ADAMTS6: variants seen among roughly 807,000 people sequenced by gnomAD.
The protein encoded by ADAMTS6 is A disintegrin and metalloproteinase with thrombospondin motifs 6.
A neutral mutation model predicts 144.3 loss-of-function variants in ADAMTS6; 23 were observed. The ratio of observed to expected loss-of-function variants is 0.16; its 90% CI spans 0.11 to 0.23. The LOEUF (loss-of-function observed/expected upper bound fraction) is 0.23, where lower values mean the gene tolerates loss of function less well. Ranked by LOEUF, ADAMTS6 falls within the 10% of genes least tolerant of loss-of-function variation. ADAMTS6 has a pLI of 1.00. For missense variants in ADAMTS6, 999 were observed against 1,379.6 expected (o/e 0.72, Z 4.37); for synonymous variants, 444 against 457.5 (o/e 0.97, Z 0.38).
rs1346667205 is a variant in ADAMTS6, at chr5:65,300,501, C to A, written c.1224-370G>T. Among the ~76,000 whole-genome samples the A allele has an allele frequency of 2.0e-5, 3 of 152,238 alleles. No individual in the cohort carries two copies. The East Asian group carries it at 5.8e-4, about 29-fold the overall frequency. ...AGTTTGTCAGTGTTGGAATTGTTAG[C>A]AGAACCTGCCTTTTAACATGTTAGT... On this transcript the variant is annotated intron_variant, in intron 9 of 24. Transcript: ENST00000381055.
chr5:65,307,543 G>C (rs1041639994), intron 9 of ADAMTS6, among the ~76,000 whole-genome samples: 2 of 152,138 alleles, frequency 1.3e-5, no homozygotes, highest in Non-Finnish European at 2.9e-5. Flanking sequence ...GATGAACTTT[G>C]CCCTTTTTTC....
chr5:65,399,655 C>T (rs1212918998), intron 7 of ADAMTS6, among the ~76,000 whole-genome samples: 1 of 152,044 alleles, frequency 6.6e-6, no homozygotes, highest in African/African-American at 2.4e-5. Context: ...AATCCTAATT[C>T]CTTCCTCCTT....
At chr5:65,375,390 C>A (rs1751424953) in intron 7 of ADAMTS6, among the ~76,000 whole-genome samples, 1 of 151,384 alleles carries the variant, frequency 6.6e-6, no homozygotes, top group South Asian at 2.1e-4. Context: ...CCAGAATCTA[C>A]AATGAACTCA....
At chr5:65,345,098 TA>T (rs1035187852) in intron 7 of ADAMTS6, among the ~76,000 whole-genome samples, 5 of 151,804 alleles carry the variant, frequency 3.3e-5, no homozygotes, top group Non-Finnish European at 7.4e-5. Context: ...TCCCAGCATC[TA>T]AAAAAATTCC....
At chr5:65,411,298 T>C (rs911509900) in intron 7 of ADAMTS6, among the ~76,000 whole-genome samples, 3 of 152,230 alleles carry the variant, frequency 2.0e-5, no homozygotes, top group African/African-American at 4.8e-5. Flanking sequence ...CCTTTGGATA[T>C]GTACCTAGCA....
chr5:65,471,028 C>T lies in ADAMTS6; in HGVS notation c.212G>A (p.Arg71Gln). The T allele has an allele frequency of 6.2e-7, 1 of 1,612,218 alleles. No homozygotes were observed. Among genetic ancestry groups the T allele is most frequent in the Non-Finnish European group, 8.5e-7 (1 of 1,179,416 alleles). The change falls in exon 3 of 25, where the codon CGG becomes CAG. Residue 71 changes from arginine to glutamine, a missense_variant. By Grantham distance (43) the Arg-to-Gln change is conservative. Coordinates refer to ENST00000381055, the MANE Select transcript of ADAMTS6 (RefSeq NM_197941.4). ...VKNDKHSRRR[R>Q]SMDPIDPQQA... ...CTGTGGATCAATAGGGTCCATACTC[C>T]GTCTTCTCCTTGAGTGTTTATCATT...
At chr5:65,174,426 G>T (rs1753834304) in intron 22 of ADAMTS6, among the ~76,000 whole-genome samples, 1 of 152,198 alleles carries the variant, frequency 6.6e-6, no homozygotes, top group Admixed American at 6.5e-5. Context: ...TGCGGATCCT[G>T]AGAGCACTCC....
rs957105446 is a variant in ADAMTS6 at position 65,240,489 on chromosome 5, C to A, written c.1933+1615G>T. On this transcript the variant is annotated intron_variant, in intron 15 of 24. Transcript: ENST00000381055. ...TTATGGACTGAATGTTTGTGTCCCC[C>A]CAAAACCCGTATGTTGAAATCTTAA... is the stretch of plus-strand genomic sequence containing the variant. Among the ~76,000 whole-genome samples the A allele has an allele frequency of 2.6e-5, 4 of 152,114 alleles. No individual in the cohort carries two copies. In the East Asian group the frequency reaches 7.7e-4, roughly 29 times the overall value.
intron 7 of ADAMTS6, among the ~76,000 whole-genome samples, chr5:65,359,152 T>C (rs1749601720): frequency 6.6e-6 from 1 of 152,028 alleles, no homozygotes; most frequent in South Asian, 2.1e-4. Flanking sequence ...GTCCAAAATA[T>C]ATAAGCAACT....
chr5:65,310,691 G>C (rs1283837065), intron 9 of ADAMTS6, among the ~76,000 whole-genome samples: 1 of 152,180 alleles, frequency 6.6e-6, no homozygotes, highest in Non-Finnish European at 1.5e-5. Context: ...TTAGCAGAAT[G>C]AAACATATTT....
Position 65,452,244 on chromosome 5 carries a change from C to A in ADAMTS6, c.844-28G>T, listed in dbSNP as rs201626874. The A allele has an allele frequency of 2.0e-3, 3,133 of 1,592,364 alleles. 3 individuals carry two copies. Among genetic ancestry groups the A allele is most frequent in the Non-Finnish European group, 2.4e-3 (2,787 of 1,165,408 alleles). On this transcript the variant is annotated intron_variant, in intron 5 of 24. Coordinates refer to ENST00000381055, the MANE Select transcript of ADAMTS6 (RefSeq NM_197941.4). Reference sequence around the variant, plus strand: ...GACCTCCAGAAAATAAGAAAAGACACAAAGTCAGACAAAAATTATAGGGTG... The same window carrying A: ...GACCTCCAGAAAATAAGAAAAGACAAAAAGTCAGACAAAAATTATAGGGTG...
At chr5:65,389,950 G>A (rs1345803668) in intron 7 of ADAMTS6, among the ~76,000 whole-genome samples, 1 of 152,062 alleles carries the variant, frequency 6.6e-6, no homozygotes, top group Non-Finnish European at 1.5e-5. Flanking sequence ...GAAAACAACA[G>A]GATGTAGAGT....
intron 7 of ADAMTS6, among the ~76,000 whole-genome samples, chr5:65,376,240 A>G (rs1751529327): frequency 6.6e-6 from 1 of 152,124 alleles, no homozygotes; most frequent in Non-Finnish European, 1.5e-5. Flanking sequence ...GTGCACATGT[A>G]CCCTAAAACT....
At chr5:65,160,206 G>C (rs1027063701) in intron 24 of ADAMTS6, among the ~76,000 whole-genome samples, 1 of 151,948 alleles carries the variant, frequency 6.6e-6, no homozygotes, top group Non-Finnish European at 1.5e-5. Flanking sequence ...CAGTAGCCTC[G>C]TACTATGAGT....
chr5:65,369,531 G>C (rs1242716758), intron 7 of ADAMTS6, among the ~76,000 whole-genome samples: 1 of 135,846 alleles, frequency 7.4e-6, no homozygotes, highest in African/African-American at 2.6e-5. Context: ...TCACTGTTAC[G>C]CTTCATTAAA....
intron 11 of ADAMTS6, among the ~76,000 whole-genome samples, chr5:65,290,287 A>G (rs1742169463): frequency 6.6e-6 from 1 of 152,206 alleles, no homozygotes; most frequent in Non-Finnish European, 1.5e-5. Flanking sequence ...GCAGTGGCTC[A>G]CACCTGTAAT....
chr5:65,239,524 A>C (rs1206346567), intron 15 of ADAMTS6, among the ~76,000 whole-genome samples: 1 of 152,130 alleles, frequency 6.6e-6, no homozygotes, highest in Non-Finnish European at 1.5e-5. Context: ...CACAAAACAC[A>C]ATGACCAGAA....
intron 15 of ADAMTS6, among the ~76,000 whole-genome samples, chr5:65,235,456 G>A (rs532876586): frequency 1.9e-4 from 28 of 151,204 alleles, no homozygotes; most frequent in African/African-American, 6.3e-4. Flanking sequence ...GATCCTGGGC[G>A]TGTCTGTGAG....
chr5:65,346,832 T>C (rs1748365548), intron 7 of ADAMTS6, among the ~76,000 whole-genome samples: 1 of 151,438 alleles, frequency 6.6e-6, no homozygotes, highest in Non-Finnish European at 1.5e-5. Context: ...TTAGAACTAA[T>C]AACATAAATT....
Sources: allele counts gnomAD v4.1 joint callset (sites outside exome capture counted in the v4.1 genomes callset), GRCh38; gene constraint gnomAD v4.1.1; transcripts MANE v1.5; gene names NCBI Gene and HGNC (gene_info 2026-07-23, HGNC 2026-07-21).